Variants in OR7E24 observed in about 807,000 individuals in gnomAD.
The protein encoded by OR7E24 is olfactory receptor family 7 subfamily E member 24, also known as olfactory receptor 7E24.
For synonymous variants in OR7E24, 130 were observed against 157.5 expected (o/e 0.83, Z 1.31); for missense variants, 385 against 410.3 (o/e 0.94, Z 0.53).
chr19:9,225,043 C>T, the OR7E24 span, among the ~76,000 whole-genome samples: 1 of 152,020 alleles, frequency 6.6e-6, no homozygotes, highest in African/African-American at 2.4e-5. Context: ...TCAAGGTCAC[C>T]CCACCACCTG....
chr19:9,233,036 A>C, the OR7E24 span, among the ~76,000 whole-genome samples: 1 of 151,422 alleles, frequency 6.6e-6, no homozygotes, highest in Admixed American at 6.6e-5. Context: ...TGGTCTCTCA[A>C]GTCCCAATTA....
chr19:9,214,872 G>A, the OR7E24 span: 4 of 1,374,610 alleles, frequency 2.9e-6, no homozygotes, highest in Non-Finnish European at 3.0e-6. Context: ...GGAGGAAAAA[G>A]CAACGTTTAA....
chr19:9,234,778 T>G, the OR7E24 span, among the ~76,000 whole-genome samples: 1 of 152,188 alleles, frequency 6.6e-6, no homozygotes, highest in Non-Finnish European at 1.5e-5. Context: ...AAAAAAAGAT[T>G]GCCTGAGTTG....
At chr19:9,239,512 G>A in the OR7E24 span, among the ~76,000 whole-genome samples, 3 of 151,906 alleles carry the variant, frequency 2.0e-5, no homozygotes, top group Admixed American at 1.3e-4. Context: ...ACACGTACAA[G>A]GTGATATGTC....
At chr19:9,225,384 A>AGGGG in the OR7E24 span, among the ~76,000 whole-genome samples, 2 of 142,082 alleles carry the variant, frequency 1.4e-5, no homozygotes, top group African/African-American at 5.1e-5. Flanking sequence ...AGAAGGAAGG[A>AGGGG]AGGAAGGAGG....
At chr19:9,215,718 CTACTAT>C in the OR7E24 span, among the ~76,000 whole-genome samples, 6 of 152,170 alleles carry the variant, frequency 3.9e-5, no homozygotes, top group Non-Finnish European at 7.3e-5. Context: ...ATCATTACTG[CTACTAT>C]TACTATTAAT....
chr19:9,214,203 G>C, the OR7E24 span: 1 of 1,614,168 alleles, frequency 6.2e-7, no homozygotes, highest in Non-Finnish European at 8.5e-7. Context: ...GAGGATCCCA[G>C]CTACAGGAAA....
the OR7E24 span, among the ~76,000 whole-genome samples, chr19:9,238,097 C>T: frequency 1.3e-5 from 2 of 151,964 alleles, no homozygotes; most frequent in Non-Finnish European, 2.9e-5. Context: ...GCCAACATGG[C>T]GAAATCCCAT....
At chr19:9,232,674 T>C in the OR7E24 span, among the ~76,000 whole-genome samples, 1 of 151,760 alleles carries the variant, frequency 6.6e-6, no homozygotes, top group African/African-American at 2.4e-5. Context: ...CATTTCACAA[T>C]GGAACTGGAA....
chr19:9,239,055 T>C, the OR7E24 span, among the ~76,000 whole-genome samples: 6 of 152,258 alleles, frequency 3.9e-5, no homozygotes, highest in African/African-American at 7.2e-5. Context: ...AAGGTAGTTC[T>C]ATTTTCAATT....
the OR7E24 span, among the ~76,000 whole-genome samples, chr19:9,228,981 C>T: frequency 6.6e-6 from 1 of 152,034 alleles, no homozygotes; most frequent in Non-Finnish European, 1.5e-5. Context: ...TGTCCCTCGC[C>T]GTAATGGTGG....
the OR7E24 span, among the ~76,000 whole-genome samples, chr19:9,227,203 T>C: frequency 6.6e-6 from 1 of 152,070 alleles, no homozygotes; most frequent in Non-Finnish European, 1.5e-5. Context: ...GCTCCATCCA[T>C]GTCCCTACAA....
upstream of OR7E24, among the ~76,000 whole-genome samples, chr19:9,244,550 C>T (rs2066124224): frequency 6.6e-6 from 1 of 152,140 alleles, no homozygotes; most frequent in African/African-American, 2.4e-5. Flanking sequence ...AAAGTTAACA[C>T]AAAATGGATC....
At chr19:9,242,452 G>A (rs1444558881), upstream of OR7E24, among the ~76,000 whole-genome samples, 3 of 152,134 alleles carry the variant, frequency 2.0e-5, no homozygotes, top group East Asian at 1.9e-4. Flanking sequence ...GTTTTGCCAT[G>A]TTGGCCAGGC....
chr19:9,215,364 AAC>A, the OR7E24 span, among the ~76,000 whole-genome samples: 38 of 145,572 alleles, frequency 2.6e-4, no homozygotes, highest in African/African-American at 9.4e-4. Flanking sequence ...AAAAAAAAAA[AAC>A]CTCTTTTTTT....
chr19:9,214,595 C>T, the OR7E24 span: 2 of 1,614,120 alleles, frequency 1.2e-6, no homozygotes, highest in Admixed American at 1.7e-5. Context: ...TGCTCACTAG[C>T]ATCTTGGGGA....
At chr19:9,227,750 T>C in the OR7E24 span, among the ~76,000 whole-genome samples, 4 of 110,846 alleles carry the variant, frequency 3.6e-5, no homozygotes, top group Non-Finnish European at 7.0e-5. Context: ...ATGGTATTTC[T>C]TTTTTTTTTT....
the OR7E24 span, among the ~76,000 whole-genome samples, chr19:9,231,736 GT>G: frequency 1.2e-3 from 186 of 152,072 alleles, no homozygotes; most frequent in African/African-American, 4.3e-3. Flanking sequence ...GATGAACTAT[GT>G]AAACAAACAT....
chr19:9,248,903 A>G (rs2066137669), upstream of OR7E24, among the ~76,000 whole-genome samples: 1 of 152,182 alleles, frequency 6.6e-6, no homozygotes, highest in South Asian at 2.1e-4. Context: ...CAACCATTTA[A>G]TTCCAAATCC....
Sources: allele counts gnomAD v4.1 joint callset (sites outside exome capture counted in the v4.1 genomes callset), GRCh38; gene constraint gnomAD v4.1.1; transcripts MANE v1.5; gene names NCBI Gene and HGNC (gene_info 2026-07-23, HGNC 2026-07-21).